Variants in PRKG1 observed in about 807,000 individuals in gnomAD.
PRKG1 encodes cGMP-dependent protein kinase 1.
A neutral mutation model predicts 88.1 loss-of-function variants in PRKG1; 35 were observed. The observed-to-expected ratio is 0.40, with a 90% CI of 0.30 to 0.53. The LOEUF (loss-of-function observed/expected upper bound fraction) is 0.53, where lower values mean the gene tolerates loss of function less well. PRKG1 is among the 20% of genes least tolerant of loss of function. The probability of loss-of-function intolerance (pLI) is 0.59; values close to 1 mark genes in which losing one functional copy is unlikely to be tolerated. For synonymous variants in PRKG1, 303 were observed against 292.5 expected (o/e 1.04, Z -0.37); for missense variants, 540 against 839.8 (o/e 0.64, Z 4.41).
intron 2 of PRKG1, among the ~76,000 whole-genome samples, chr10:51,204,782 T>A (rs1325955021): frequency 2.6e-5 from 4 of 152,170 alleles, no homozygotes; most frequent in Non-Finnish European, 5.9e-5. Flanking sequence ...CATAGTGAGA[T>A]GTGAATGTGC....
chr10:51,720,631 T>G (rs1417126788), intron 3 of PRKG1, among the ~76,000 whole-genome samples: 1 of 152,178 alleles, frequency 6.6e-6, no homozygotes, highest in African/African-American at 2.4e-5. Flanking sequence ...ATACTTACCT[T>G]GGAACAACAT....
At chr10:52,199,479 A>C (rs781436983) in intron 9 of PRKG1, among the ~76,000 whole-genome samples, 1 of 152,150 alleles carries the variant, frequency 6.6e-6, no homozygotes, top group Non-Finnish European at 1.5e-5. Context: ...AGCATTACCC[A>C]TGGAATAACT....
intron 1 of PRKG1, among the ~76,000 whole-genome samples, chr10:51,084,945 G>A (rs1453594719): frequency 2.0e-5 from 3 of 152,168 alleles, no homozygotes; most frequent in Non-Finnish European, 4.4e-5. Context: ...GAGATAATGT[G>A]AGGAAAAAAC....
intron 2 of PRKG1, among the ~76,000 whole-genome samples, chr10:51,217,773 T>C (rs1296907770): frequency 6.6e-6 from 1 of 152,154 alleles, no homozygotes; most frequent in African/African-American, 2.4e-5. Context: ...CCTGTGCAGT[T>C]ATTTGAATTC....
chr10:52,293,588 A>G (rs915159222), intron 17 of PRKG1, among the ~76,000 whole-genome samples: 1 of 152,114 alleles, frequency 6.6e-6, no homozygotes, highest in African/African-American at 2.4e-5. Context: ...ATTTGTTTTA[A>G]TCATACAGTT....
At chr10:52,029,401 C>T (rs1285259451) in intron 5 of PRKG1, among the ~76,000 whole-genome samples, 1 of 152,158 alleles carries the variant, frequency 6.6e-6, no homozygotes, top group Non-Finnish European at 1.5e-5. Context: ...ACCAAGCTCA[C>T]AGTAAACATG....
At chr10:52,134,165 A>T (rs1837342067) in intron 8 of PRKG1, among the ~76,000 whole-genome samples, 1 of 152,170 alleles carries the variant, frequency 6.6e-6, no homozygotes, top group Non-Finnish European at 1.5e-5. Context: ...ATGAAATATC[A>T]TACAGATATT....
intron 3 of PRKG1, among the ~76,000 whole-genome samples, chr10:51,653,914 T>A (rs1418039581): frequency 6.6e-6 from 1 of 152,222 alleles, no homozygotes; most frequent in Non-Finnish European, 1.5e-5. Flanking sequence ...TTGCTAAGGT[T>A]GAGTTCCCTA....
chr10:51,753,785 T>G (rs1164780157), intron 3 of PRKG1, among the ~76,000 whole-genome samples: 1 of 152,230 alleles, frequency 6.6e-6, no homozygotes, highest in African/African-American at 2.4e-5. Context: ...AAATATGAAC[T>G]GTAAACTGTG....
chr10:51,321,258 C>T (rs1841447731), intron 2 of PRKG1, among the ~76,000 whole-genome samples: 1 of 152,140 alleles, frequency 6.6e-6, no homozygotes. Context: ...CTCCAAGACT[C>T]AGTTAGCTCA....
upstream of PRKG1, among the ~76,000 whole-genome samples, chr10:51,073,104 G>A (rs1437059167): frequency 2.0e-5 from 3 of 152,144 alleles, no homozygotes; most frequent in African/African-American, 7.2e-5. Context: ...GCAAATATTA[G>A]GGATTTAGGT....
chr10:51,829,408 C>G (rs941101275), intron 4 of PRKG1, among the ~76,000 whole-genome samples: 1 of 152,156 alleles, frequency 6.6e-6, no homozygotes, highest in Admixed American at 6.5e-5. Flanking sequence ...CTGGTGGCTA[C>G]CTTAGAGGCT....
intron 1 of PRKG1, among the ~76,000 whole-genome samples, chr10:51,055,360 A>T (rs1234226485): frequency 6.6e-6 from 1 of 151,152 alleles, no homozygotes; most frequent in Non-Finnish European, 1.5e-5. Flanking sequence ...TCCCCTCATT[A>T]AAAAAAAATC....
intron 3 of PRKG1, among the ~76,000 whole-genome samples, chr10:51,534,275 A>G (rs910734993): frequency 2.0e-5 from 3 of 152,200 alleles, no homozygotes; most frequent in Non-Finnish European, 4.4e-5. Flanking sequence ...CAATAAACTT[A>G]CAAACTCAAT....
chr10:51,607,541 T>G (rs1020040065), intron 3 of PRKG1, among the ~76,000 whole-genome samples: 18 of 152,320 alleles, frequency 1.2e-4, no homozygotes, highest in African/African-American at 4.3e-4. Context: ...ACCATCACCC[T>G]GTCTCTCATT....
At chr10:51,886,271 T>C (rs1304329087) in intron 4 of PRKG1, among the ~76,000 whole-genome samples, 4 of 152,180 alleles carry the variant, frequency 2.6e-5, no homozygotes, top group African/African-American at 9.6e-5. Context: ...ATTTTCAATA[T>C]CATATTTATA....
intron 2 of PRKG1, among the ~76,000 whole-genome samples, chr10:51,366,229 A>C (rs1371067049): frequency 6.6e-6 from 1 of 151,860 alleles, no homozygotes; most frequent in African/African-American, 2.4e-5. Flanking sequence ...ACACCAACCA[A>C]CTGGAAACCT....
chr10:51,887,285 C>A (rs1368579718), intron 4 of PRKG1, among the ~76,000 whole-genome samples: 1 of 149,434 alleles, frequency 6.7e-6, no homozygotes, highest in Admixed American at 6.8e-5. Context: ...GCACCTGGCC[C>A]ACGTTTTTCT....
chr10:52,246,140 G>A (rs374912723), intron 9 of PRKG1, among the ~76,000 whole-genome samples: 1 of 152,122 alleles, frequency 6.6e-6, no homozygotes, highest in African/African-American at 2.4e-5. Context: ...CAGTCATAAG[G>A]TGTAGCATCT....
Sources: allele counts gnomAD v4.1 joint callset (sites outside exome capture counted in the v4.1 genomes callset), GRCh38; gene constraint gnomAD v4.1.1; transcripts MANE v1.5; gene names NCBI Gene and HGNC (gene_info 2026-07-23, HGNC 2026-07-21).